Variants in RIC1 observed in about 807,000 individuals in gnomAD.
The protein encoded by RIC1 is RIC1 partner of RAB6A GEF complex, also known as guanine nucleotide exchange factor subunit RIC1.
RIC1 carries 88 observed loss-of-function variants against 169.0 expected under a neutral mutation model. The observed-to-expected ratio is 0.52, with a 90% CI of 0.44 to 0.62. The LOEUF is 0.62. RIC1 is among the 20% of genes least tolerant of loss of function. RIC1 has a pLI of 0.00. For missense variants in RIC1, 1,877 were observed against 1,725.5 expected, an observed-to-expected ratio of 1.09 and a Z score of -1.56; for synonymous variants, 790 against 601.5, an observed-to-expected ratio of 1.31 and a Z score of -4.59.
chr9:5,677,115 T>C (rs1469810264), intron 2 of RIC1, among the ~76,000 whole-genome samples: 1 of 152,222 alleles, frequency 6.6e-6, no homozygotes, highest in Non-Finnish European at 1.5e-5. Flanking sequence ...TTTTCTGAAG[T>C]AGTTATACCA....
chr9:5,653,244 G>A (rs1019930491), intron 1 of RIC1, among the ~76,000 whole-genome samples: 2 of 151,958 alleles, frequency 1.3e-5, no homozygotes, highest in African/African-American at 4.8e-5. Flanking sequence ...GCATATATTT[G>A]TGTGTGTCTA....
intron 7 of RIC1, among the ~76,000 whole-genome samples, chr9:5,737,215 T>C (rs1448315995): frequency 6.6e-6 from 1 of 151,694 alleles, no homozygotes; most frequent in African/African-American, 2.4e-5. Context: ...TCCTCGTAGT[T>C]CAATTTTGAA....
At chr9:5,742,798 GAA>G (rs201838674) in intron 8 of RIC1, 69 bp from the exon 9 acceptor site, 753 of 1,018,992 alleles carry the variant, frequency 7.4e-4, no homozygotes, top group Non-Finnish European at 8.6e-4. Flanking sequence ...GATTGTATTT[GAA>G]AAAAAAAAAA....
chr9:5,703,245 G>T (rs143556661), intron 3 of RIC1, among the ~76,000 whole-genome samples: 1 of 152,220 alleles, frequency 6.6e-6, no homozygotes, highest in East Asian at 1.9e-4. Flanking sequence ...TAATACTCCC[G>T]TTCCGAAAGG....
chr9:5,721,464 G>T (rs1291273485), intron 6 of RIC1, among the ~76,000 whole-genome samples: 1 of 152,120 alleles, frequency 6.6e-6, no homozygotes, highest in Non-Finnish European at 1.5e-5. Flanking sequence ...ACACACACAC[G>T]CTGAAGAGCC....
At chr9:5,630,107 C>T (rs1271016316) in intron 1 of RIC1, among the ~76,000 whole-genome samples, 2 of 152,186 alleles carry the variant, frequency 1.3e-5, no homozygotes, top group South Asian at 2.1e-4. Flanking sequence ...TCAAATCTGT[C>T]CGCGGAACTC....
At chr9:5,629,498 T>A in intron 1 of RIC1, 45 bp downstream of exon 1, 2 of 1,497,118 alleles carry the variant, frequency 1.3e-6, no homozygotes, top group Non-Finnish European at 1.8e-6. Context: ...CTCCCCGGCC[T>A]CCCGGCGCCG....
intron 25 of RIC1, among the ~76,000 whole-genome samples, chr9:5,773,538 G>A (rs190667814): frequency 3.9e-5 from 6 of 152,274 alleles, no homozygotes; most frequent in Admixed American, 3.9e-4. Context: ...CTCTAGCCCT[G>A]TCTTTATTAC....
intron 2 of RIC1, among the ~76,000 whole-genome samples, chr9:5,680,235 CA>C (rs1820734033): frequency 6.6e-6 from 1 of 152,276 alleles, no homozygotes; most frequent in Admixed American, 6.5e-5. Flanking sequence ...CTGCTGGATT[CA>C]GTTTGCCAGT....
At chr9:5,739,648 A>G (rs1041446693) in intron 8 of RIC1, among the ~76,000 whole-genome samples, 3 of 152,136 alleles carry the variant, frequency 2.0e-5, no homozygotes, top group African/African-American at 7.2e-5. Context: ...GGAGGGCATC[A>G]CTGTTGCCTC....
chr9:5,728,818 C>T (rs988557877), intron 6 of RIC1, among the ~76,000 whole-genome samples: 1 of 152,118 alleles, frequency 6.6e-6, no homozygotes, highest in African/African-American at 2.4e-5. Context: ...TTATTTGTGT[C>T]GGATCTTTTA....
At chr9:5,700,284 G>A (rs183699244) in intron 3 of RIC1, among the ~76,000 whole-genome samples, 166 of 152,156 alleles carry the variant, frequency 1.1e-3, no homozygotes, top group Admixed American at 1.7e-3. Flanking sequence ...ACATTATTGA[G>A]GGGATTATAA....
At chr9:5,663,242 T>A (rs2130504552) in intron 2 of RIC1, among the ~76,000 whole-genome samples, 1 of 152,344 alleles carries the variant, frequency 6.6e-6, no homozygotes, top group South Asian at 2.1e-4. Context: ...GTGTTTTACT[T>A]CCGATTATGT....
rs568249954 is a variant in RIC1, at chr9:5,747,492, G to C, written c.1439G>C (p.Trp480Ser). Residue 480 changes from tryptophan (W) to serine (S), a missense_variant, in exon 12 of 26, where the codon TGG becomes TCG. Transcript: ENST00000414202. ...GLSTLLGHRH[W>S]HVVQISSTYL... Reference sequence around the variant, plus strand: ...AGCACTTTACTTGGACATCGGCATTGGCATGTTGTACAGGTAAATCTTTAG... The same window carrying C: ...AGCACTTTACTTGGACATCGGCATTCGCATGTTGTACAGGTAAATCTTTAG... 2 of 1,613,676 alleles carry C rather than the reference G, an allele frequency of 1.2e-6. No homozygotes were observed. The highest frequency in any genetic ancestry group is 1.3e-5 in the African/African-American group (1 of 75,018).
intron 2 of RIC1, among the ~76,000 whole-genome samples, chr9:5,687,770 T>G (rs781100921): frequency 8.5e-5 from 13 of 152,210 alleles, no homozygotes; most frequent in Non-Finnish European, 1.8e-4. Flanking sequence ...TAAAGAAATT[T>G]AAGTGAAGCA....
chr9:5,774,449 A>C lies in RIC1; in HGVS notation c.*203A>C. Reference sequence around the variant, plus strand: ...TGATATAAAGCATCTTTCATAAAAAAATTTTAAGCTGCAGTGAAAAGTAAA... The same window carrying C: ...TGATATAAAGCATCTTTCATAAAAACATTTTAAGCTGCAGTGAAAAGTAAA... On this transcript the variant is annotated 3_prime_UTR_variant, in exon 26 of 26. Coordinates refer to ENST00000414202, the MANE Select transcript of RIC1 (RefSeq NM_020829.4). The C allele has an allele frequency of 4.3e-6, 2 of 460,854 alleles. No homozygotes were observed. The highest frequency in any genetic ancestry group is 7.4e-6 in the Non-Finnish European group (2 of 268,646). 28.5% of individuals were successfully genotyped at this position (460,854 alleles called of 1,614,324 possible). A position where few individuals can be genotyped will look rare whatever the true frequency, so the allele number is the denominator to read the frequency against.
intron 19 of RIC1, chr9:5,764,996 A>G (rs142642121): frequency 6.4e-6 from 1 of 155,842 alleles, no homozygotes; most frequent in East Asian, 1.9e-4. Context: ...TTCTAGTCAC[A>G]TCCTCAGAAA....
At chr9:5,676,622 C>G (rs1189378011) in intron 2 of RIC1, among the ~76,000 whole-genome samples, 1 of 152,136 alleles carries the variant, frequency 6.6e-6, no homozygotes, top group Non-Finnish European at 1.5e-5. Flanking sequence ...CCATAGGCAT[C>G]TCCTTATCAA....
chr9:5,754,358 A>G (rs779184744), intron 14 of RIC1, among the ~76,000 whole-genome samples: 2 of 152,214 alleles, frequency 1.3e-5, no homozygotes, highest in Non-Finnish European at 2.9e-5. Flanking sequence ...ATTTATTTTT[A>G]TAAATAGGAT....
Sources: allele counts gnomAD v4.1 joint callset (sites outside exome capture counted in the v4.1 genomes callset), GRCh38; gene constraint gnomAD v4.1.1; transcripts MANE v1.5; gene names NCBI Gene and HGNC (gene_info 2026-07-23, HGNC 2026-07-21).